Variants in ACOT8 observed in about 807,000 individuals in gnomAD.
ACOT8 encodes acyl-CoA thioesterase 8.
A neutral mutation model predicts 38.4 loss-of-function variants in ACOT8; 31 were observed. That is an observed-to-expected ratio of 0.81 (90% CI 0.61 to 1.09). The LOEUF is 1.09. ACOT8 is among the 50% of genes least tolerant of loss of function. The pLI, the probability that ACOT8 is intolerant of heterozygous loss-of-function variation, is 0.00. For missense variants in ACOT8, 373 were observed against 421.8 expected (o/e 0.88, Z 1.01); for synonymous variants, 158 against 170.3 (o/e 0.93, Z 0.56).
At position 45,846,936 on chromosome 20, in the gene ACOT8, G is replaced by A. The variant is rs941988219; in HGVS notation, c.488+1514C>T. ...ATACATAAAACATGTGGCCGGGCAC[G>A]GTGGCTCACGCCTGTAATCCCAGCA... On this transcript the variant is annotated intron_variant, in intron 3 of 5. Coordinates refer to ENST00000217455, the MANE Select transcript of ACOT8 (RefSeq NM_005469.4). Among the ~76,000 whole-genome samples the A allele has an allele frequency of 2.6e-5, 4 of 152,048 alleles. No homozygotes were observed. The South Asian group carries it at 6.2e-4, about 24-fold the overall frequency.
At chr20:45,843,932 CCA>C in intron 4 of ACOT8, 2 of 1,032,270 alleles carry the variant, frequency 1.9e-6, no homozygotes, top group Admixed American at 2.9e-5. Context: ...TCAGTCTTCA[CCA>C]CCCAAGTCTC....
chr20:45,856,883 T>G (rs777571026), intron 1 of ACOT8, among the ~76,000 whole-genome samples: 1 of 152,230 alleles, frequency 6.6e-6, no homozygotes, highest in Non-Finnish European at 1.5e-5. Context: ...CTGTGTGCCC[T>G]TGGGCAAATC....
Position 45,854,901 on chromosome 20 carries a change from G to C in ACOT8, c.262+258C>G, listed in dbSNP as rs139711962. Among the ~76,000 whole-genome samples the C allele has an allele frequency of 8.5e-5, 13 of 152,272 alleles. No homozygotes were observed. In the East Asian group the frequency reaches 2.5e-3, roughly 29 times the overall value. ...GAATGGAAGAACAAAAGCCCACAAG[G>C]AGCAGTTAAGCAACAAAGTCTTGTG... is the stretch of plus-strand genomic sequence containing the variant. On this transcript the variant is annotated intron_variant, in intron 2 of 5. Transcript: ENST00000217455.
intron 2 of ACOT8, among the ~76,000 whole-genome samples, chr20:45,854,647 C>T (rs555412256): frequency 6.6e-6 from 1 of 152,282 alleles, no homozygotes; most frequent in South Asian, 2.1e-4. Flanking sequence ...GGGGAGGTAA[C>T]CTCACAAGGC....
At chr20:45,853,923 T>G (rs1314428061) in intron 2 of ACOT8, 1 of 1,303,738 alleles carries the variant, frequency 7.7e-7, no homozygotes, top group Non-Finnish European at 1.0e-6. Flanking sequence ...AATCACATAC[T>G]GTAAAGGTCC....
intron 2 of ACOT8, among the ~76,000 whole-genome samples, chr20:45,854,921 C>T (rs1269359874): frequency 1.3e-5 from 2 of 152,210 alleles, no homozygotes; most frequent in East Asian, 3.8e-4. Context: ...GCAACAAAGT[C>T]TTGTGTCATT....
At chr20:45,844,189 G>A (rs2084630338) in intron 4 of ACOT8, 74 bp downstream of exon 4, 1 of 1,596,074 alleles carries the variant, frequency 6.3e-7, no homozygotes, top group African/African-American at 1.3e-5. Flanking sequence ...GAACTCATGT[G>A]CCCAAGGCCA....
chr20:45,849,444 C>T (rs1453406215), intron 2 of ACOT8, among the ~76,000 whole-genome samples: 2 of 140,594 alleles, frequency 1.4e-5, no homozygotes, highest in African/African-American at 2.7e-5. Flanking sequence ...CATGACCATA[C>T]CCAGCTAATT....
At chr20:45,843,177 T>G in intron 5 of ACOT8, 1 of 512,074 alleles carries the variant, frequency 2.0e-6, no homozygotes, top group African/African-American at 2.0e-5. Flanking sequence ...CGGGTTTGGA[T>G]ACCACTGCTG....
chr20:45,842,033 A>G, intron 5 of ACOT8, 77 bp from the exon 6 acceptor site: 1 of 1,563,178 alleles, frequency 6.4e-7, no homozygotes. Flanking sequence ...CCTGAAACAG[A>G]GTCTCACTAA....
chr20:45,843,973 C>A lies in ACOT8; in HGVS notation c.647-252G>T, dbSNP rs74434621. ...CTCTAGGCCCCAAAAGGGGTGTCTT[C>A]TTCCAATTTGCACAAAGATACTTTA... On this transcript the variant is annotated intron_variant, in intron 4 of 5. Transcript: ENST00000217455. 4,926 of 820,128 alleles carry A rather than the reference C, an allele frequency of 6.0e-3. 161 individuals are homozygous for A. The African/African-American group carries it at 0.068, about 11-fold the overall frequency. The allele number at this position is 820,128 out of a possible 1,614,324, so 50.8% of individuals were successfully genotyped here. A position where few individuals can be genotyped will look rare whatever the true frequency, so the allele number is the denominator to read the frequency against.
At position 45,841,732 on chromosome 20, in the gene ACOT8, C is replaced by T. The variant is rs879034468; in HGVS notation, c.*106G>A. 2.1e-6 allele frequency: 3 copies of T among 1,438,988 alleles called. No homozygotes were observed. Among genetic ancestry groups the T allele is most frequent in the Admixed American group, 2.9e-5 (1 of 34,896 alleles). The allele number at this position is 1,438,988 out of a possible 1,614,324, so 89.1% of individuals were successfully genotyped here. A position where few individuals can be genotyped will look rare whatever the true frequency, so the allele number is the denominator to read the frequency against. On this transcript the variant is annotated 3_prime_UTR_variant, in exon 6 of 6. Coordinates refer to ENST00000217455, the MANE Select transcript of ACOT8 (RefSeq NM_005469.4). ...TAAAAGCCAGCCACTCCAGTGGTAT[C>T]AGTCTCTTTATTGGATGTGAGGGCC...
intron 5 of ACOT8, 24 bp downstream of exon 5, chr20:45,843,503 T>C (rs772205269): frequency 6.2e-7 from 1 of 1,605,168 alleles, no homozygotes; most frequent in South Asian, 1.1e-5. Context: ...TCAGTGCCCT[T>C]GTCCCACACG....
In ACOT8 at chr20:45,841,864, G is replaced by A; in HGVS notation, c.934C>T (p.Pro312Ser). The A allele has an allele frequency of 6.2e-7, 1 of 1,607,240 alleles. No individual in the cohort carries two copies. The highest frequency in any genetic ancestry group is 8.5e-7 in the Non-Finnish European group (1 of 1,178,018). Residue 312 changes from proline (P) to serine (S), a missense_variant, in exon 6 of 6, where the codon CCC becomes TCC. Pro to Ser is a moderately conservative substitution (Grantham distance 74). Transcript: ENST00000217455. ...CAQEGVIRVK[P>S]QVSESKL ...TACAGCTTGCTCTCTGAGACCTGGG[G>A]CTTCACTCGGATCACGCCCTCCTGG...
At chr20:45,853,944 C>G in intron 2 of ACOT8, 3 of 1,304,398 alleles carry the variant, frequency 2.3e-6, no homozygotes, top group Non-Finnish European at 3.0e-6. Flanking sequence ...ACAAACTCTT[C>G]TCAGCTGGGG....
intron 1 of ACOT8, among the ~76,000 whole-genome samples, chr20:45,855,599 A>T (rs753791683): frequency 6.6e-6 from 1 of 152,034 alleles, no homozygotes; most frequent in Non-Finnish European, 1.5e-5. Flanking sequence ...CTAAAAATAC[A>T]AAAATTAGCT....
chr20:45,842,833 C>T (rs912759040), intron 5 of ACOT8: 7 of 993,880 alleles, frequency 7.0e-6, no homozygotes, highest in Non-Finnish European at 8.4e-6. Context: ...TTGAGAATAC[C>T]CCTTATCTGA....
rs765672228 is a variant in ACOT8, at chr20:45,843,520, C to G, written c.841+7G>C. On this transcript the variant is annotated splice_region_variant and intron_variant, in intron 5 of 5. Transcript: ENST00000217455. The stretch of plus-strand genomic sequence containing the variant: ...AGTGCCCTTGTCCCACACGGCCCCA[C>G]ACTCACCGGCCCAGGGGCTCTCGCA... The G allele has an allele frequency of 6.2e-7, 1 of 1,608,780 alleles. No homozygotes were observed. Among genetic ancestry groups the G allele is most frequent in the Non-Finnish European group, 8.5e-7 (1 of 1,176,812 alleles).
chr20:45,855,224 G>A lies in ACOT8; in HGVS notation c.197C>T (p.Ala66Val), dbSNP rs1398266530. 1 of 1,614,060 alleles carries A rather than the reference G, an allele frequency of 6.2e-7. No individual in the cohort carries two copies. The highest frequency in any genetic ancestry group is 8.5e-7 in the Non-Finnish European group (1 of 1,180,046). Residue 66 changes from alanine (A) to valine (V), a missense_variant, in exon 2 of 6, where the codon GCT becomes GTT. By Grantham distance (64) the Ala-to-Val change is moderately conservative. Coordinates refer to ENST00000217455, the MANE Select transcript of ACOT8 (RefSeq NM_005469.4). ...GGQIVGQALV[A>V]AAKSVSEDVH... The stretch of plus-strand genomic sequence containing the variant: ...GTCTTCACTCACAGACTTGGCTGCA[G>A]CCACCAGGGCCTGGCCCACGATCTG...
Sources: gnomAD v4.1 joint callset for allele counts (sites outside exome capture counted in the v4.1 genomes callset) on GRCh38, gnomAD v4.1.1 for gene constraint, MANE v1.5 for transcripts, NCBI Gene and HGNC (gene_info 2026-07-23, HGNC 2026-07-21) for gene names.